The following NRXN3 variants were observed in gnomAD, a reference collection of about 807,000 sequenced individuals.
NRXN3 encodes the protein neurexin 3.
Under a neutral mutation model 137.6 loss-of-function variants are expected in NRXN3, and 32 were observed. The observed-to-expected ratio is 0.23, with a 90% CI of 0.18 to 0.31. NRXN3 has a LOEUF of 0.31. Among genes scored for constraint, NRXN3 ranks in the 10% least tolerant of loss-of-function variants. The pLI is 1.00. For synonymous variants in NRXN3, 798 were observed against 784.5 expected (o/e 1.02, Z -0.29); for missense variants, 1,574 against 2,062.5 (o/e 0.76, Z 4.59).
chr14:79,322,202 C>T (rs969721127), intron 15 of NRXN3, among the ~76,000 whole-genome samples: 3 of 152,290 alleles, frequency 2.0e-5, no homozygotes, highest in East Asian at 1.9e-4. Flanking sequence ...AACAAACTCA[C>T]GAGGAAGTAA....
At chr14:79,263,850 G>A (rs1435014806) in intron 15 of NRXN3, among the ~76,000 whole-genome samples, 4 of 152,100 alleles carry the variant, frequency 2.6e-5, no homozygotes, top group African/African-American at 9.7e-5. Context: ...AGACTGTGGT[G>A]TAAATGACAC....
intron 4 of NRXN3, among the ~76,000 whole-genome samples, chr14:78,531,608 T>A (rs1244008897): frequency 7.0e-6 from 1 of 142,828 alleles, no homozygotes; most frequent in African/African-American, 2.5e-5. Context: ...TGAATCAGAG[T>A]ATCATTTCCT....
At chr14:78,270,979 C>T (rs974381202) in intron 2 of NRXN3, among the ~76,000 whole-genome samples, 1 of 152,210 alleles carries the variant, frequency 6.6e-6, no homozygotes, top group Non-Finnish European at 1.5e-5. Context: ...CAAACTTGTA[C>T]CAGCAACTTC....
At chr14:78,235,146 T>A (rs2066108237) in intron 1 of NRXN3, among the ~76,000 whole-genome samples, 1 of 151,558 alleles carries the variant, frequency 6.6e-6, no homozygotes, top group African/African-American at 2.4e-5. Flanking sequence ...TATTGGAGGA[T>A]CAAGTTGCAT....
chr14:79,354,949 G>A (rs1370030644), intron 15 of NRXN3, among the ~76,000 whole-genome samples: 3 of 152,278 alleles, frequency 2.0e-5, no homozygotes, highest in African/African-American at 7.2e-5. Flanking sequence ...GGTCGTGTCC[G>A]AGGTATAGAT....
At chr14:78,985,454 T>C (rs2099500911) in intron 14 of NRXN3, among the ~76,000 whole-genome samples, 1 of 152,228 alleles carries the variant, frequency 6.6e-6, no homozygotes, top group Admixed American at 6.5e-5. Context: ...TAATAATTGC[T>C]ATGGCCACAA....
intron 19 of NRXN3, among the ~76,000 whole-genome samples, chr14:79,771,337 G>A (rs1788773607): frequency 6.6e-6 from 1 of 152,138 alleles, no homozygotes; most frequent in African/African-American, 2.4e-5. Context: ...GAGAATTTTA[G>A]ACCAGTATCC....
At chr14:78,816,392 C>T (rs926773366) in intron 10 of NRXN3, among the ~76,000 whole-genome samples, 1 of 152,042 alleles carries the variant, frequency 6.6e-6, no homozygotes, top group Admixed American at 6.6e-5. Flanking sequence ...CTTCTTTCTG[C>T]TCCTCCTTCT....
At chr14:78,336,885 C>T (rs916565596) in intron 4 of NRXN3, among the ~76,000 whole-genome samples, 2 of 152,136 alleles carry the variant, frequency 1.3e-5, no homozygotes, top group Non-Finnish European at 2.9e-5. Context: ...CTGCTAGGCT[C>T]TAAGCCAGGT....
intron 19 of NRXN3, among the ~76,000 whole-genome samples, chr14:79,801,385 G>A (rs536332684): frequency 6.6e-6 from 1 of 152,146 alleles, no homozygotes; most frequent in African/African-American, 2.4e-5. Context: ...TCTAATGTGG[G>A]GTAAATCGTA....
At chr14:78,781,941 C>T (rs1454293084) in intron 8 of NRXN3, among the ~76,000 whole-genome samples, 2 of 152,200 alleles carry the variant, frequency 1.3e-5, no homozygotes, top group Non-Finnish European at 2.9e-5. Context: ...TTCCCAAATA[C>T]ATATTTCACC....
chr14:78,479,077 A>T (rs1311198776), intron 4 of NRXN3, among the ~76,000 whole-genome samples: 1 of 152,250 alleles, frequency 6.6e-6, no homozygotes, highest in Non-Finnish European at 1.5e-5. Context: ...TTAGGGTGTG[A>T]CTATCCCTGT....
chr14:79,012,397 A>G (rs1459022425), intron 15 of NRXN3, among the ~76,000 whole-genome samples: 1 of 152,194 alleles, frequency 6.6e-6, no homozygotes, highest in Non-Finnish European at 1.5e-5. Flanking sequence ...AGAGGCAGAA[A>G]TAGTAGAATG....
At chr14:79,391,006 C>T (rs1162860533) in intron 15 of NRXN3, among the ~76,000 whole-genome samples, 2 of 152,132 alleles carry the variant, frequency 1.3e-5, no homozygotes, top group Non-Finnish European at 2.9e-5. Context: ...CAAGGAGTCC[C>T]TTGCCAGTTG....
rs552340703 is a variant in NRXN3, at chr14:79,547,424, T to C, written c.3444+80022T>C. ...CACACATGATATGCTGAAAACTGAA[T>C]AAATATTGAAGAATCTAAATTCAAT... On this transcript the variant is annotated intron_variant, in intron 16 of 20. Coordinates refer to ENST00000335750, the MANE Select transcript of NRXN3 (RefSeq NM_001330195.2). Among the ~76,000 whole-genome samples the C allele has an allele frequency of 2.2e-4, 34 of 152,290 alleles. 1 individual carries two copies. The South Asian group carries it at 5.6e-3, about 25-fold the overall frequency.
At chr14:78,297,688 G>T in intron 3 of NRXN3, 143 bp from the exon 4 acceptor site, 1 of 668,354 alleles carries the variant, frequency 1.5e-6, no homozygotes, top group South Asian at 1.8e-5. Flanking sequence ...TCTGACATGT[G>T]AGCAAGCGTG....
intron 4 of NRXN3, among the ~76,000 whole-genome samples, chr14:78,591,074 C>CGTGTTAATTTAA (rs1381024034): frequency 6.6e-6 from 1 of 152,136 alleles, no homozygotes; most frequent in Non-Finnish European, 1.5e-5. Flanking sequence ...TATCCCATGC[C>CGTGTTAATTTAA]TTGGTGTTAC....
At chr14:79,818,089 T>C (rs2099257895) in intron 20 of NRXN3, among the ~76,000 whole-genome samples, 1 of 137,460 alleles carries the variant, frequency 7.3e-6, no homozygotes, top group Admixed American at 7.8e-5. Flanking sequence ...GGAGTCTCGC[T>C]GTCACCCAGG....
chr14:79,147,219 C>T (rs1057074004), intron 15 of NRXN3, among the ~76,000 whole-genome samples: 1 of 152,154 alleles, frequency 6.6e-6, no homozygotes, highest in Non-Finnish European at 1.5e-5. Flanking sequence ...CCAGCAGCTC[C>T]GGGGAGAGCT....
Sources: allele counts gnomAD v4.1 joint callset (sites outside exome capture counted in the v4.1 genomes callset), GRCh38; gene constraint gnomAD v4.1.1; transcripts MANE v1.5; gene names NCBI Gene and HGNC (gene_info 2026-07-23, HGNC 2026-07-21).